The following CCDC18 variants were observed in gnomAD, a reference collection of about 807,000 sequenced individuals.
CCDC18 encodes coiled-coil domain containing 18, also known as coiled-coil domain-containing protein 18.
Under a neutral mutation model 196.0 loss-of-function variants are expected in CCDC18, and 157 were observed. The ratio of observed to expected loss-of-function variants is 0.80; its 90% confidence interval spans 0.70 to 0.91. The LOEUF is 0.91. Among genes scored for constraint, CCDC18 ranks in the 40% least tolerant of loss-of-function variants. The pLI, the probability that CCDC18 is intolerant of heterozygous loss-of-function variation, is 0.00. For synonymous variants in CCDC18, 482 were observed against 529.2 expected (o/e 0.91, Z 1.22); for missense variants, 1,465 against 1,611.6 (o/e 0.91, Z 1.56).
chr1:93,266,503 G>A (rs1664529294), intron 27 of CCDC18, among the ~76,000 whole-genome samples: 1 of 152,108 alleles, frequency 6.6e-6, no homozygotes, highest in African/African-American at 2.4e-5. Context: ...ATGAATCCAG[G>A]AGCTGGTTTT....
chr1:93,210,795 C>T lies in CCDC18; in HGVS notation c.1210-7C>T. On this transcript the variant is annotated splice_region_variant and splice_polypyrimidine_tract_variant and intron_variant, in intron 9 of 28. Transcript: ENST00000690025. The stretch of plus-strand genomic sequence containing the variant: ...AAGTTTACATATGTTTGTTTTTAAA[C>T]TTGCAGTTAAAAAGAGAATTATTTG... 1 of 1,577,802 alleles carries T rather than the reference C, an allele frequency of 6.3e-7. No homozygotes were observed. The highest frequency in any genetic ancestry group is 1.1e-5 in the South Asian group (1 of 89,156).
chr1:93,180,508 C>T, upstream of CCDC18: 2 of 1,538,484 alleles, frequency 1.3e-6, no homozygotes, highest in Non-Finnish European at 8.8e-7. Flanking sequence ...GCCCGCCTCT[C>T]CCCCTGACGG....
intron 4 of CCDC18, 35 bp from the exon 5 acceptor site, chr1:93,191,965 C>T: frequency 1.4e-6 from 2 of 1,442,302 alleles, no homozygotes; most frequent in Non-Finnish European, 1.9e-6. Flanking sequence ...AATTTATTTT[C>T]TGAAAGTACT....
At chr1:93,187,034 T>C (rs1650805789) in intron 4 of CCDC18, among the ~76,000 whole-genome samples, 1 of 152,034 alleles carries the variant, frequency 6.6e-6, no homozygotes, top group African/African-American at 2.4e-5. Flanking sequence ...AGCATTATAT[T>C]TCATGTGATT....
chr1:93,244,122 G>A (rs1661189522), intron 21 of CCDC18, among the ~76,000 whole-genome samples: 1 of 152,194 alleles, frequency 6.6e-6, no homozygotes, highest in African/African-American at 2.4e-5. Flanking sequence ...CGTGGCTGGG[G>A]AGGCCTCACA....
intron 16 of CCDC18, among the ~76,000 whole-genome samples, chr1:93,224,313 C>T (rs1657954912): frequency 1.3e-5 from 2 of 152,182 alleles, no homozygotes; most frequent in Non-Finnish European, 2.9e-5. Context: ...CCCTTTAATA[C>T]TTAACATGCA....
rs1650681770 is a variant in CCDC18, at chr1:93,186,398, A to G, written c.357A>G (p.Lys119=). Residue 119 remains lysine, a synonymous_variant, in exon 4 of 29, where the codon AAA becomes AAG. Transcript: ENST00000690025. ...AGGAGATTAAAAGCCTTCGAGAGAA[A>G]CTAAATAAACTTAGGCAACAGAATG... ...VDQEIKSLRE[K]LNKLRQQNAC... 1.2e-6 allele frequency: 2 copies of G among 1,612,356 alleles called. No homozygotes were observed. The highest frequency in any genetic ancestry group is 2.7e-5 in the African/African-American group (2 of 74,864).
chr1:93,248,009 CT>C (rs71586785), intron 23 of CCDC18, among the ~76,000 whole-genome samples: 12,367 of 70,876 alleles, frequency 0.17, 255 homozygotes, highest in African/African-American at 0.26. Context: ...TATTTTCCTT[CT>C]TTTTTTTTTT....
chr1:93,257,490 T>C (rs1663167418), intron 25 of CCDC18, among the ~76,000 whole-genome samples: 2 of 152,006 alleles, frequency 1.3e-5, no homozygotes, highest in Admixed American at 1.3e-4. Context: ...AATGTGTTTA[T>C]TGATGTTGCA....
Position 93,246,850 on chromosome 1 carries a change from G to C in CCDC18, c.3094G>C (p.Asp1032His), listed in dbSNP as rs370800298. 6.8e-7 allele frequency: 1 copy of C among 1,473,566 alleles called. No individual in the cohort carries two copies. The highest frequency in any genetic ancestry group is 1.2e-5 in the South Asian group (1 of 84,674). 91.3% of individuals were successfully genotyped at this position (1,473,566 alleles called of 1,614,324 possible). A position where few individuals can be genotyped will look rare whatever the true frequency, so the allele number is the denominator to read the frequency against. Residue 1032 changes from aspartate to histidine, a missense_variant, in exon 23 of 29, where the codon GAT becomes CAT. Coordinates refer to ENST00000690025, the MANE Select transcript of CCDC18 (RefSeq NM_001378204.1). ...GGTTATTTTTTAGGTTACACATTTG[G>C]ATATGACTATTCGTGAGCACAGAGG... is the stretch of plus-strand genomic sequence containing the variant. ...KQRAAQVTHL[D>H]MTIREHRGEM... is the part of the protein sequence containing the mutation.
intron 19 of CCDC18, among the ~76,000 whole-genome samples, 182 bp from the exon 20 acceptor site, chr1:93,239,128 T>A (rs907983347): frequency 2.6e-5 from 4 of 152,122 alleles, no homozygotes; most frequent in African/African-American, 9.7e-5. Context: ...TATTTAGTGG[T>A]ATGTAATGTG....
In CCDC18 at chr1:93,246,949, A is replaced by G. The variant is rs994858198; in HGVS notation, c.3193A>G (p.Lys1065Glu). 3 of 1,161,712 alleles carry G rather than the reference A, an allele frequency of 2.6e-6. No individual in the cohort carries two copies. The highest frequency in any genetic ancestry group is 2.2e-5 in the Admixed American group (1 of 44,716). The allele number at this position is 1,161,712 out of a possible 1,614,324, so 72.0% of individuals were successfully genotyped here. Reference sequence around the variant, plus strand: ...AGAATTGGAACTTAAAGAATGTAACAAACAGGTAAATTATTTTAAAATTAC... The same window carrying G: ...AGAATTGGAACTTAAAGAATGTAACGAACAGGTAAATTATTTTAAAATTAC... Reference protein sequence around the residue: ...KSELELKECNKQIESLNDKLQ... With the variant: ...KSELELKECNEQIESLNDKLQ... Residue 1065 changes from lysine (K) to glutamate (E), a missense_variant, in exon 23 of 29, where the codon AAA becomes GAA. Physicochemically the swap from Lys to Glu is moderately conservative, Grantham distance 56 (BLOSUM62 1). Coordinates refer to ENST00000690025, the MANE Select transcript of CCDC18 (RefSeq NM_001378204.1).
intron 6 of CCDC18, among the ~76,000 whole-genome samples, chr1:93,199,282 A>G (rs1328398858): frequency 6.6e-6 from 1 of 152,230 alleles, no homozygotes; most frequent in Non-Finnish European, 1.5e-5. Context: ...GAACGACCAT[A>G]GGGTCCAGCC....
rs1355533649 is a variant in CCDC18, at chr1:93,270,460, A to C, written c.3999A>C (p.Gln1333His). The C allele has an allele frequency of 3.2e-6, 5 of 1,550,326 alleles. No homozygotes were observed. The highest frequency in any genetic ancestry group is 4.4e-6 in the Non-Finnish European group (5 of 1,146,898). The change falls in exon 28 of 29, where the codon CAA becomes CAC. Residue 1333 changes from glutamine (Q) to histidine (H), a missense_variant. Transcript: ENST00000690025. ...TSPTEIMPDV[Q>H]DPKFAKCFHT... ...CAACAGAAATTATGCCTGATGTTCA[A>C]GATCCAAAATTTGCTAAATGTTTTC...
chr1:93,261,012 C>T (rs1374490570), intron 26 of CCDC18, among the ~76,000 whole-genome samples: 2 of 152,108 alleles, frequency 1.3e-5, no homozygotes, highest in Non-Finnish European at 2.9e-5. Context: ...TTTATCCAGT[C>T]TATTATTGAT....
intron 17 of CCDC18, among the ~76,000 whole-genome samples, chr1:93,230,666 G>A (rs914205044): frequency 3.4e-5 from 4 of 116,040 alleles, no homozygotes; most frequent in Admixed American, 3.3e-4. Context: ...ATAAAATTTT[G>A]TTGTTATTAT....
In CCDC18 at chr1:93,183,442, T is replaced by G; in HGVS notation, c.81T>G (p.His27Gln). Residue 27 changes from histidine (H) to glutamine (Q), a missense_variant, in exon 2 of 29, where the codon CAT becomes CAG. Physicochemically the swap from His to Gln is conservative, Grantham distance 24. Transcript: ENST00000690025. ...TTGCAAATGTTGCTTCCTTAAGACA[T>G]GAACTGAAGATAACAGAATGGAGTT... ...SLLANVASLR[H>Q]ELKITEWSLQ... 6.2e-7 allele frequency: 1 copy of G among 1,608,296 alleles called. No homozygotes were observed. The highest frequency in any genetic ancestry group is 1.3e-5 in the African/African-American group (1 of 74,870).
At chr1:93,225,728 G>A (rs1222549298) in intron 16 of CCDC18, among the ~76,000 whole-genome samples, 2 of 150,324 alleles carry the variant, frequency 1.3e-5, no homozygotes, top group African/African-American at 2.5e-5. Flanking sequence ...AGTGACCCGA[G>A]ATCGCACCAC....
intron 19 of CCDC18, among the ~76,000 whole-genome samples, chr1:93,238,703 G>C (rs2100816837): frequency 6.6e-6 from 1 of 152,266 alleles, no homozygotes; most frequent in Middle Eastern, 3.4e-3. Flanking sequence ...TAGGGGAGCT[G>C]CCGTATTAGA....
Sources: gnomAD v4.1 joint callset for allele counts (sites outside exome capture counted in the v4.1 genomes callset) on GRCh38, gnomAD v4.1.1 for gene constraint, MANE v1.5 for transcripts, NCBI Gene and HGNC (gene_info 2026-07-23, HGNC 2026-07-21) for gene names.